Variants in GAD2 observed in about 807,000 individuals in gnomAD.
GAD2 encodes the protein 65 kDa glutamic acid decarboxylase.
In GAD2, 22 loss-of-function variants were observed where a neutral mutation model predicts 80.1. The ratio of observed to expected loss-of-function variants is 0.27; its 90% CI spans 0.20 to 0.39. GAD2 has a LOEUF of 0.39. GAD2 is among the 10% of genes least tolerant of loss of function. GAD2 has a pLI of 1.00. For synonymous variants in GAD2, 274 were observed against 256.9 expected (o/e 1.07, Z -0.64); for missense variants, 624 against 738.4 (o/e 0.85, Z 1.80).
intron 8 of GAD2, among the ~76,000 whole-genome samples, chr10:26,249,480 T>C (rs1162208009): frequency 6.6e-6 from 1 of 152,234 alleles, no homozygotes; most frequent in Non-Finnish European, 1.5e-5. Flanking sequence ...TGATCTGTTA[T>C]GGGTGAGGAG....
rs185850004 is a variant in GAD2, at chr10:26,237,601, C to T, written c.840+7824C>T. Among the ~76,000 whole-genome samples, 9 of 152,202 alleles carry T rather than the reference C, an allele frequency of 5.9e-5. No individual in the cohort carries two copies. The East Asian group carries it at 1.7e-3, about 29-fold the overall frequency. ...TCCTTAAGAGGGATGTGCCCTTCCT[C>T]CCAAAGTGCCAAAGCAACACTCAAG... On this transcript the variant is annotated intron_variant, in intron 7 of 15. Coordinates refer to ENST00000376261, the MANE Select transcript of GAD2 (RefSeq NM_001134366.2).
At chr10:26,230,366 G>C (rs1269937930) in intron 7 of GAD2, among the ~76,000 whole-genome samples, 1 of 152,148 alleles carries the variant, frequency 6.6e-6, no homozygotes, top group Non-Finnish European at 1.5e-5. Flanking sequence ...CAGTTTTTCT[G>C]TTTGAAAACT....
At chr10:26,286,967 CT>C (rs8190773) in intron 13 of GAD2, among the ~76,000 whole-genome samples, 10,500 of 152,272 alleles carry the variant, frequency 0.069, 448 homozygotes, top group Non-Finnish European at 0.098. Flanking sequence ...TTATTTCCCC[CT>C]AATCTCCCAA....
chr10:26,244,300 C>T (rs560006008), intron 7 of GAD2, among the ~76,000 whole-genome samples: 19 of 151,966 alleles, frequency 1.3e-4, no homozygotes, highest in African/African-American at 4.3e-4. Flanking sequence ...AAAATGGTAC[C>T]GCCATGATGG....
chr10:26,237,774 G>A (rs145591274), intron 7 of GAD2, among the ~76,000 whole-genome samples: 10,825 of 152,142 alleles, frequency 0.071, 1,256 homozygotes, highest in African/African-American at 0.24. Context: ...TTGGGATGCT[G>A]AAGCAGGTGG....
chr10:26,222,444 G>A (rs1446964213), intron 4 of GAD2, among the ~76,000 whole-genome samples: 1 of 151,992 alleles, frequency 6.6e-6, no homozygotes, highest in Non-Finnish European at 1.5e-5. Context: ...CATCGGGAGG[G>A]AGGAAATGGC....
intron 15 of GAD2, 22 bp downstream of exon 15, chr10:26,293,013 G>A: frequency 4.5e-6 from 7 of 1,570,552 alleles, no homozygotes; most frequent in Non-Finnish European, 6.1e-6. Context: ...AAGCTCCTCT[G>A]ATACATGTGT....
At chr10:26,293,090 C>A in intron 15 of GAD2, 99 bp downstream of exon 15, 2 of 929,078 alleles carry the variant, frequency 2.2e-6, no homozygotes, top group Non-Finnish European at 1.7e-6. Flanking sequence ...GACAGCCTAC[C>A]TGGGTACATG....
rs147079600 is a variant in GAD2 at position 26,230,134 on chromosome 10, C to T, written c.840+357C>T. On this transcript the variant is annotated intron_variant, in intron 7 of 15. Coordinates refer to ENST00000376261, the MANE Select transcript of GAD2 (RefSeq NM_001134366.2). ...AGTGAGCCGTGATTGCACCACCACA[C>T]TCCAGCCTGGATGAAAGAGCAAGAC... Among the ~76,000 whole-genome samples the T allele has an allele frequency of 8.5e-5, 13 of 152,114 alleles. No individual in the cohort carries two copies. The East Asian group carries it at 2.5e-3, about 29-fold the overall frequency.
In GAD2 at chr10:26,278,847, C is replaced by T. The variant is rs534036627; in HGVS notation, c.1158-2162C>T. Among the ~76,000 whole-genome samples, 14 of 151,738 alleles carry T rather than the reference C, an allele frequency of 9.2e-5. No individual in the cohort carries two copies. In the East Asian group the frequency reaches 1.4e-3, roughly 15 times the overall value. On this transcript the variant is annotated intron_variant, in intron 11 of 15. Coordinates refer to ENST00000376261, the MANE Select transcript of GAD2 (RefSeq NM_001134366.2). ...CAGATGAGATCCCCAGGCCAGTGAG[C>T]GCTCTCTGACTGTCTGGCTGACACC...
intron 11 of GAD2, among the ~76,000 whole-genome samples, 170 bp from the exon 12 acceptor site, chr10:26,280,839 C>A (rs1324765831): frequency 6.6e-6 from 1 of 152,098 alleles, no homozygotes; most frequent in Non-Finnish European, 1.5e-5. Context: ...TGTAATAAAT[C>A]TACACTTGTA....
At chr10:26,218,088 G>A in intron 3 of GAD2, 97 bp downstream of exon 3, 1 of 1,304,522 alleles carries the variant, frequency 7.7e-7, no homozygotes, top group South Asian at 1.5e-5. Flanking sequence ...CCGGACAGGG[G>A]CGTCGAGGTG....
intron 7 of GAD2, among the ~76,000 whole-genome samples, chr10:26,235,933 C>T (rs1844664710): frequency 6.6e-6 from 1 of 152,150 alleles, no homozygotes; most frequent in South Asian, 2.1e-4. Flanking sequence ...CATATTCTTC[C>T]TAATCATAAC....
At chr10:26,290,135 G>A (rs1408056827) in intron 13 of GAD2, among the ~76,000 whole-genome samples, 1 of 152,112 alleles carries the variant, frequency 6.6e-6, no homozygotes, top group Non-Finnish European at 1.5e-5. Flanking sequence ...ATCCTTTGCT[G>A]AAAATGAATG....
At position 26,292,487 on chromosome 10, in the gene GAD2, A is replaced by G. The variant is rs779421004; in HGVS notation, c.1409A>G (p.His470Arg). 6.8e-6 allele frequency: 11 copies of G among 1,613,980 alleles called. No homozygotes were observed. Among genetic ancestry groups the G allele is most frequent in the Non-Finnish European group, 9.3e-6 (11 of 1,179,952 alleles). Residue 470 changes from histidine (H) to arginine (R), a missense_variant, in exon 14 of 16, where the codon CAT (histidine) becomes CGT (arginine). Coordinates refer to ENST00000376261, the MANE Select transcript of GAD2 (RefSeq NM_001134366.2). ...TAGGGGACTACCGGGTTTGAAGCGC[A>G]TGTTGATAAATGTTTGGAGTTGGCA... The part of the protein sequence containing the change: ...RAKGTTGFEA[H>R]VDKCLELAEY...
At chr10:26,218,181 TG>T (rs1844405866) in intron 3 of GAD2, 190 bp downstream of exon 3, 1 of 554,846 alleles carries the variant, frequency 1.8e-6, no homozygotes, top group Admixed American at 3.9e-5. Flanking sequence ...CCCCCGAACC[TG>T]GCCTCGGAGC....
intron 7 of GAD2, among the ~76,000 whole-genome samples, chr10:26,230,786 A>G (rs1369018202): frequency 6.6e-6 from 1 of 151,546 alleles, no homozygotes; most frequent in Non-Finnish European, 1.5e-5. Context: ...AGGTTTTGTT[A>G]CCATAAAGAA....
intron 3 of GAD2, 127 bp downstream of exon 3, chr10:26,218,118 C>T: frequency 9.8e-7 from 1 of 1,015,996 alleles, no homozygotes; most frequent in Non-Finnish European, 1.4e-6. Flanking sequence ...GCGGGACCTG[C>T]CAGAATCTTC....
intron 11 of GAD2, 68 bp from the exon 12 acceptor site, chr10:26,280,941 C>T: frequency 1.1e-6 from 1 of 946,810 alleles, no homozygotes; most frequent in African/African-American, 1.6e-5. Context: ...GAAACTGAAG[C>T]TCAGTTGCGC....
Sources: gnomAD v4.1 joint callset for allele counts (sites outside exome capture counted in the v4.1 genomes callset) on GRCh38, gnomAD v4.1.1 for gene constraint, MANE v1.5 for transcripts, NCBI Gene and HGNC (gene_info 2026-07-23, HGNC 2026-07-21) for gene names.